Variants in SLC2A9 observed in about 807,000 individuals in gnomAD.
SLC2A9 encodes the protein solute carrier family 2 member 9, also known as solute carrier family 2, facilitated glucose transporter member 9.
A neutral mutation model predicts 50.6 loss-of-function variants in SLC2A9; 39 were observed. The observed-to-expected ratio is 0.77, with a 90% CI of 0.60 to 1.01. SLC2A9 has a LOEUF of 1.01. Ranked by LOEUF, SLC2A9 falls within the 50% of genes least tolerant of loss-of-function variation. The pLI is 0.00. For missense variants in SLC2A9, 686 were observed against 677.6 expected (o/e 1.01, Z -0.14); for synonymous variants, 324 against 276.9 (o/e 1.17, Z -1.69).
chr4:10,008,545 T>C (rs1578312674), intron 2 of SLC2A9, among the ~76,000 whole-genome samples: 1 of 152,208 alleles, frequency 6.6e-6, no homozygotes, highest in East Asian at 1.9e-4. Context: ...CTGTTAAACA[T>C]CCTGGTGATG....
exon 2 of SLC2A9, chr4:9,771,349 T>A (rs994604499): frequency 2.5e-6 from 1 of 394,050 alleles, no homozygotes; most frequent in South Asian, 1.3e-4. Flanking sequence ...TCTGCAGGTC[T>A]GCCTTCTTGA....
At chr4:10,000,455 G>T (rs771987902) in intron 2 of SLC2A9, among the ~76,000 whole-genome samples, 4 of 152,186 alleles carry the variant, frequency 2.6e-5, no homozygotes, top group Non-Finnish European at 5.9e-5. Flanking sequence ...AAATTTACAG[G>T]AGTGGTGAGC....
rs755155581 is a variant in SLC2A9, at chr4:9,996,787, A to G, written c.404T>C (p.Leu135Pro). Reference protein sequence around the residue: ...TLIVKMIGKVLGRKHTLLANN... With the variant: ...TLIVKMIGKVPGRKHTLLANN... ...GAGACAGCCTCCTACTGACCTCCCA[A>G]GAACCTTTCCAATCATCTTCACAAT... Residue 135 changes from leucine (L) to proline (P), a missense_variant, in exon 3 of 12, where the codon CTT (leucine) becomes CCT (proline). By Grantham distance (98) the Leu-to-Pro change is moderately conservative. Transcript: ENST00000264784. The G allele has an allele frequency of 6.2e-7, 1 of 1,613,780 alleles. No individual in the cohort carries two copies. Among genetic ancestry groups the G allele is most frequent in the Admixed American group, 1.7e-5 (1 of 60,014 alleles).
At chr4:9,798,518 C>T (rs1720889178), downstream of SLC2A9, 2 of 152,070 alleles carry the variant, frequency 1.3e-5, no homozygotes, top group Non-Finnish European at 2.9e-5. Context: ...GCCTCACCCA[C>T]CCCCAATGTC....
At chr4:10,004,774 A>C (rs1760470239) in intron 2 of SLC2A9, among the ~76,000 whole-genome samples, 1 of 152,156 alleles carries the variant, frequency 6.6e-6, no homozygotes, top group Non-Finnish European at 1.5e-5. Flanking sequence ...GAAGGAGGAG[A>C]GATTTAGGCC....
chr4:9,864,495 A>T (rs184947603), intron 10 of SLC2A9, among the ~76,000 whole-genome samples: 1 of 152,306 alleles, frequency 6.6e-6, no homozygotes, highest in African/African-American at 2.4e-5. Context: ...CCATTTCTTG[A>T]GTGCTTTCTA....
intron 6 of SLC2A9, chr4:9,922,981 C>G (rs1198636908): frequency 6.6e-6 from 1 of 152,350 alleles, no homozygotes; most frequent in East Asian, 1.9e-4. Context: ...TCCATGACTC[C>G]CTCACTATTT....
chr4:9,961,144 C>T (rs1752204176), intron 5 of SLC2A9, among the ~76,000 whole-genome samples: 1 of 152,170 alleles, frequency 6.6e-6, no homozygotes, highest in Admixed American at 6.5e-5. Flanking sequence ...AAACCTTTAA[C>T]TTCCTAACTC....
intron 3 of SLC2A9, among the ~76,000 whole-genome samples, chr4:9,992,104 G>A (rs1757809776): frequency 6.6e-6 from 1 of 152,206 alleles, no homozygotes; most frequent in Admixed American, 6.5e-5. Flanking sequence ...TGGGATGCCT[G>A]TTGTTTGTGC....
At chr4:9,931,950 CTCTCTCTCTCTCTATA>C (rs1312313363) in intron 6 of SLC2A9, among the ~76,000 whole-genome samples, 3 of 58,662 alleles carry the variant, frequency 5.1e-5, no homozygotes, top group South Asian at 6.9e-4. Context: ...CTCTCTCTCT[CTCTCTCTCTCTCTATA>C]TATATATATA....
At chr4:9,907,654 C>A (rs765894351) in intron 8 of SLC2A9, among the ~76,000 whole-genome samples, 1 of 152,118 alleles carries the variant, frequency 6.6e-6, no homozygotes, top group Admixed American at 6.5e-5. Flanking sequence ...TTCTCTGATC[C>A]GAACTCCTGG....
intron 5 of SLC2A9, among the ~76,000 whole-genome samples, chr4:9,971,798 T>C (rs557306630): frequency 6.6e-6 from 1 of 152,296 alleles, no homozygotes; most frequent in East Asian, 1.9e-4. Flanking sequence ...GAAAGGAAGA[T>C]TCTCATATAC....
intron 5 of SLC2A9, among the ~76,000 whole-genome samples, chr4:9,947,554 C>A (rs1296102161): frequency 6.6e-6 from 1 of 152,146 alleles, no homozygotes; most frequent in African/African-American, 2.4e-5. Flanking sequence ...TTCAGAGAGA[C>A]CGACCTTTCC....
chr4:9,869,642 G>T (rs180930129), intron 10 of SLC2A9, among the ~76,000 whole-genome samples: 1 of 152,258 alleles, frequency 6.6e-6, no homozygotes, highest in Non-Finnish European at 1.5e-5. Flanking sequence ...TTGATTTTAC[G>T]CCAATCTTTC....
At chr4:9,896,992 T>TTA (rs914254833) in intron 8 of SLC2A9, among the ~76,000 whole-genome samples, 2 of 152,176 alleles carry the variant, frequency 1.3e-5, no homozygotes, top group African/African-American at 4.8e-5. Context: ...TCCGGCTGCT[T>TTA]TATATATATT....
chr4:9,842,225 T>A (rs571233330), intron 10 of SLC2A9, among the ~76,000 whole-genome samples: 1 of 152,338 alleles, frequency 6.6e-6, no homozygotes, highest in African/African-American at 2.4e-5. Context: ...TTACCTAAAA[T>A]CCCTTGATTA....
At chr4:10,032,609 C>T (rs1184655018) in intron 1 of SLC2A9, among the ~76,000 whole-genome samples, 1 of 152,068 alleles carries the variant, frequency 6.6e-6, no homozygotes, top group Non-Finnish European at 1.5e-5. Context: ...AGATGATGCT[C>T]ATACCAAGTC....
chr4:9,932,345 C>T (rs1315030958), intron 6 of SLC2A9, among the ~76,000 whole-genome samples: 1 of 152,084 alleles, frequency 6.6e-6, no homozygotes, highest in Non-Finnish European at 1.5e-5. Context: ...CTACTGTATG[C>T]CAGGCACTGC....
chr4:9,778,512 G>C (rs1717879092), downstream of SLC2A9, among the ~76,000 whole-genome samples: 1 of 152,264 alleles, frequency 6.6e-6, no homozygotes, highest in East Asian at 1.9e-4. Flanking sequence ...CCAGATCGTA[G>C]TTCCCTCACC....
Sources: gnomAD v4.1 joint callset for allele counts (sites outside exome capture counted in the v4.1 genomes callset) on GRCh38, gnomAD v4.1.1 for gene constraint, MANE v1.5 for transcripts, NCBI Gene and HGNC (gene_info 2026-07-23, HGNC 2026-07-21) for gene names.